Variants in EDA observed in about 807,000 individuals in gnomAD.
EDA encodes the protein ectodysplasin A, also known as ectodysplasin-A.
Under a neutral mutation model 23.6 loss-of-function variants are expected in EDA, and 2 were observed. The observed-to-expected ratio is 0.08, with a 90% CI of 0.03 to 0.27. EDA has a LOEUF of 0.27. Ranked by LOEUF, EDA falls within the 10% of genes least tolerant of loss-of-function variation. The pLI is 1.00. For missense variants in EDA, 229 were observed against 324.2 expected (o/e 0.71, Z 2.26); for synonymous variants, 131 against 132.0 (o/e 0.99, Z 0.05).
chrX:69,799,592 GGT>G (rs2015627178), intron 1 of EDA, among the ~76,000 whole-genome samples: 1 of 109,459 alleles, frequency 9.1e-6, no homozygotes, highest in African/African-American at 3.3e-5. Context: ...ATGTCCAACA[GGT>G]GTATGAAAAA....
At chrX:69,990,686 C>G (rs1479925002) in intron 2 of EDA, among the ~76,000 whole-genome samples, 1 of 108,392 alleles carries the variant, frequency 9.2e-6, no homozygotes, top group Admixed American at 9.9e-5. Context: ...TTCTCTCATG[C>G]TGGGTTGCTC....
intron 2 of EDA, among the ~76,000 whole-genome samples, chrX:69,968,611 G>A (rs190454344): frequency 2.9e-4 from 32 of 111,686 alleles, no homozygotes; most frequent in African/African-American, 9.7e-4. Flanking sequence ...ATTTCTCTCC[G>A]CTAGCCTCCA....
intron 1 of EDA, among the ~76,000 whole-genome samples, chrX:69,629,239 C>T (rs973112077): frequency 9.0e-6 from 1 of 111,726 alleles, no homozygotes; most frequent in Non-Finnish European, 1.9e-5. Flanking sequence ...CCTGTTCCCC[C>T]GAAGAAGAAT....
At chrX:69,771,393 G>A (rs1222448715) in intron 1 of EDA, among the ~76,000 whole-genome samples, 1 of 111,186 alleles carries the variant, frequency 9.0e-6, no homozygotes, top group African/African-American at 3.3e-5. Flanking sequence ...GTACTCCTTG[G>A]ATGAACCTTG....
intron 1 of EDA, among the ~76,000 whole-genome samples, chrX:69,907,533 T>C (rs1224450686): frequency 9.0e-6 from 1 of 111,654 alleles, no homozygotes; most frequent in Admixed American, 9.6e-5. Context: ...AGGAAGAACC[T>C]AGAACCAAGT....
chrX:69,966,976 A>G (rs1007561885), intron 2 of EDA, among the ~76,000 whole-genome samples: 15 of 107,561 alleles, frequency 1.4e-4, no homozygotes, highest in South Asian at 1.2e-3. Flanking sequence ...GTGTGTGTGT[A>G]TATATATATA....
At chrX:69,793,562 T>C (rs2015463047) in intron 1 of EDA, among the ~76,000 whole-genome samples, 1 of 67,444 alleles carries the variant, frequency 1.5e-5, no homozygotes, top group South Asian at 9.0e-4. Context: ...GTTTGTTTGT[T>C]TGTTTTTGTT....
At chrX:69,761,206 G>T (rs778086642) in intron 1 of EDA, among the ~76,000 whole-genome samples, 1 of 110,727 alleles carries the variant, frequency 9.0e-6, no homozygotes. Context: ...TGCCTCTAGG[G>T]TTCAGGTATA....
intron 1 of EDA, among the ~76,000 whole-genome samples, chrX:69,665,221 A>G (rs1295541471): frequency 8.9e-6 from 1 of 112,232 alleles, no homozygotes; most frequent in African/African-American, 3.2e-5. Flanking sequence ...ATCTCTTGTC[A>G]GATATATGAT....
chrX:69,783,333 A>T (rs912130378), intron 1 of EDA, among the ~76,000 whole-genome samples: 1 of 109,869 alleles, frequency 9.1e-6, no homozygotes, highest in Non-Finnish European at 1.9e-5. Flanking sequence ...CATGTGCACA[A>T]TGTGCAGGTT....
intron 1 of EDA, among the ~76,000 whole-genome samples, chrX:69,913,663 T>C (rs1342306780): frequency 8.9e-6 from 1 of 112,476 alleles, no homozygotes; most frequent in Non-Finnish European, 1.9e-5. Context: ...TCAAACACTT[T>C]TCCTTTGCAT....
At chrX:69,873,276 A>C (rs1212500358) in intron 1 of EDA, among the ~76,000 whole-genome samples, 2 of 112,176 alleles carry the variant, frequency 1.8e-5, no homozygotes, top group Non-Finnish European at 3.8e-5. Context: ...ATAACATTAA[A>C]TGCCTACATC....
intron 1 of EDA, among the ~76,000 whole-genome samples, chrX:69,832,404 C>T (rs962974378): frequency 3.7e-4 from 41 of 111,506 alleles, no homozygotes; most frequent in Non-Finnish European, 6.0e-4. Context: ...ATATCTCTGT[C>T]TTGGTACCAG....
intron 1 of EDA, among the ~76,000 whole-genome samples, chrX:69,889,422 T>A (rs2017889415): frequency 1.8e-5 from 2 of 111,421 alleles, no homozygotes; most frequent in Admixed American, 9.6e-5. Flanking sequence ...AGTGCTGGGA[T>A]TACAGGTATG....
intron 1 of EDA, among the ~76,000 whole-genome samples, chrX:69,686,528 A>C (rs1934549283): frequency 9.0e-6 from 1 of 111,680 alleles, no homozygotes; most frequent in South Asian, 3.8e-4. Flanking sequence ...CTATTATCAT[A>C]ATCAATTTTA....
intron 2 of EDA, among the ~76,000 whole-genome samples, chrX:69,973,236 G>C (rs1392838242): frequency 1.8e-5 from 2 of 111,604 alleles, no homozygotes; most frequent in African/African-American, 6.5e-5. Context: ...AGACAGCTTA[G>C]GGAATGCAGA....
intron 1 of EDA, among the ~76,000 whole-genome samples, chrX:69,823,621 C>T (rs201215504): frequency 0.17 from 13,474 of 81,647 alleles, 1,291 homozygotes; most frequent in African/African-American, 0.24. Context: ...GAGTAGGTTG[C>T]GAAAATTTTC....
At chrX:69,788,276 C>T (rs2015268030) in intron 1 of EDA, among the ~76,000 whole-genome samples, 1 of 112,670 alleles carries the variant, frequency 8.9e-6, no homozygotes, top group Non-Finnish European at 1.9e-5. Context: ...TCATCTGAAG[C>T]CTTCTTCTCT....
chrX:69,699,859 A>G (rs1027358470), intron 1 of EDA, among the ~76,000 whole-genome samples: 23 of 110,576 alleles, frequency 2.1e-4, no homozygotes, highest in Non-Finnish European at 4.2e-4. Context: ...TTAAAGGCTC[A>G]TGGAGAGGGC....
Sources: gnomAD v4.1 joint callset for allele counts (sites outside exome capture counted in the v4.1 genomes callset) on GRCh38, gnomAD v4.1.1 for gene constraint, MANE v1.5 for transcripts, NCBI Gene and HGNC (gene_info 2026-07-23, HGNC 2026-07-21) for gene names.